MYOZ3: variants seen among roughly 807,000 people sequenced by gnomAD.
The protein encoded by MYOZ3 is myozenin 3, also known as myozenin-3.
Under a neutral mutation model 26.5 loss-of-function variants are expected in MYOZ3, and 19 were observed. The ratio of observed to expected loss-of-function variants is 0.72; its 90% CI spans 0.50 to 1.05. MYOZ3 has a LOEUF of 1.05. Among genes scored for constraint, MYOZ3 ranks in the 50% least tolerant of loss-of-function variants. The pLI is 0.00. For missense variants in MYOZ3, 322 were observed against 337.1 expected (o/e 0.96, Z 0.35); for synonymous variants, 135 against 138.8 (o/e 0.97, Z 0.19).
intron 6 of MYOZ3, among the ~76,000 whole-genome samples, chr5:150,675,226 T>TCGTGTGCGTGTGTGTG (rs1758983904): frequency 6.6e-6 from 1 of 151,364 alleles, no homozygotes; most frequent in African/African-American, 2.4e-5. Context: ...GGAATGGCGT[T>TCGTGTGCGTGTGTGTG]TGTGTGTGTG....
At position 150,676,934 on chromosome 5, in the gene MYOZ3, A is replaced by G; in HGVS notation, c.*59A>G. ...GGGCCTGGTAACATCCGGAGCCAAGACTTGTGGACAGCACTTCACAGTTGA... is the reference window on the plus strand; with the variant it reads ...GGGCCTGGTAACATCCGGAGCCAAGGCTTGTGGACAGCACTTCACAGTTGA... On this transcript the variant is annotated 3_prime_UTR_variant, in exon 7 of 7. Transcript: ENST00000517768. 1 of 1,530,454 alleles carries G rather than the reference A, an allele frequency of 6.5e-7. No homozygotes were observed. Among genetic ancestry groups the G allele is most frequent in the Non-Finnish European group, 8.9e-7 (1 of 1,127,742 alleles). 94.8% of individuals were successfully genotyped at this position (1,530,454 alleles called of 1,614,324 possible). A position where few individuals can be genotyped will look rare whatever the true frequency, so the allele number is the denominator to read the frequency against.
chr5:150,672,102 A>C, intron 5 of MYOZ3, 194 bp downstream of exon 5: 1 of 1,090,454 alleles, frequency 9.2e-7, no homozygotes, highest in Non-Finnish European at 1.3e-6. Context: ...GAGTCAGCCA[A>C]GGCCAAGACC....
At chr5:150,666,846 C>T (rs947043797) in intron 2 of MYOZ3, among the ~76,000 whole-genome samples, 1 of 151,604 alleles carries the variant, frequency 6.6e-6, no homozygotes, top group African/African-American at 2.4e-5. Context: ...TTGCAAACTT[C>T]ACCTCCACCT....
At position 150,667,055 on chromosome 5, in the gene MYOZ3, G is replaced by A. The variant is rs556889562; in HGVS notation, c.62-3429G>A. On this transcript the variant is annotated intron_variant, in intron 2 of 6. Transcript: ENST00000517768. ...ATTATGGGTGTGAGCCACTGCGCCC[G>A]GCCTATAAGTGGATTTCTTTCTGTT... Among the ~76,000 whole-genome samples the A allele has an allele frequency of 3.8e-4, 58 of 152,146 alleles. No individual in the cohort carries two copies. The South Asian group carries it at 9.9e-3, about 26-fold the overall frequency.
chr5:150,671,723 G>A (rs1275026950), intron 4 of MYOZ3, 32 bp from the exon 5 acceptor site: 1 of 1,613,252 alleles, frequency 6.2e-7, no homozygotes. Flanking sequence ...GGAGGTCGTC[G>A]GTGGCCTCTG....
rs569148018 is a variant in MYOZ3, at chr5:150,671,867, C to T, written c.383C>T (p.Ala128Val). ...CCCGAGGGCGCCCACCCTGCAGCCG[C>T]CCCTGCTGGGTGCGTCCCCAGCCCC... ...GGPEGAHPAA[A>V]PAGCVPSPSA... Residue 128 changes from alanine (A) to valine (V), a missense_variant, in exon 5 of 7, where the codon GCC becomes GTC. By Grantham distance (64) the Ala-to-Val change is moderately conservative. Coordinates refer to ENST00000517768, the MANE Select transcript of MYOZ3 (RefSeq NM_001122853.3). The T allele has an allele frequency of 6.3e-7, 1 of 1,593,832 alleles. No homozygotes were observed. The highest frequency in any genetic ancestry group is 1.3e-5 in the African/African-American group (1 of 74,626).
intron 6 of MYOZ3, 24 bp downstream of exon 6, chr5:150,672,526 G>C: frequency 6.5e-7 from 1 of 1,541,514 alleles, no homozygotes; most frequent in Non-Finnish European, 8.7e-7. Flanking sequence ...GGCAGCCCGG[G>C]GGACAGACCG....
chr5:150,661,356 A>G lies in MYOZ3; in HGVS notation c.-73A>G. On this transcript the variant is annotated 5_prime_UTR_variant, in exon 1 of 7. Transcript: ENST00000517768. ...CCTACAGGGACGCCACGCAACTCTCAGCTTCCCGACAGAGGTGTTAATCTT... is the reference window on the plus strand; with the variant it reads ...CCTACAGGGACGCCACGCAACTCTCGGCTTCCCGACAGAGGTGTTAATCTT... 1 of 152,568 alleles carries G rather than the reference A, an allele frequency of 6.6e-6. No individual in the cohort carries two copies. The highest frequency in any genetic ancestry group is 1.5e-5 in the Non-Finnish European group (1 of 68,060). 9.5% of individuals were successfully genotyped at this position (152,568 alleles called of 1,614,324 possible).
At chr5:150,672,282 T>G (rs867857618) in intron 5 of MYOZ3, 58 bp from the exon 6 acceptor site, 4 of 1,547,404 alleles carry the variant, frequency 2.6e-6, no homozygotes, top group Non-Finnish European at 1.7e-6. Context: ...TGGGGCGAGG[T>G]GGGGTTGGGG....
chr5:150,665,240 T>C (rs1758790240), intron 2 of MYOZ3, among the ~76,000 whole-genome samples: 1 of 152,170 alleles, frequency 6.6e-6, no homozygotes, highest in African/African-American at 2.4e-5. Flanking sequence ...GAATGCAGCC[T>C]AGGGTGGGGT....
At position 150,671,552 on chromosome 5, in the gene MYOZ3, C is replaced by T. The variant is rs753626077; in HGVS notation, c.217-45C>T. On this transcript the variant is annotated intron_variant, in intron 3 of 6. Coordinates refer to ENST00000517768, the MANE Select transcript of MYOZ3 (RefSeq NM_001122853.3). ...GTGGAGGGAGAACCCTGGTCCCCTG[C>T]CCCGCTGAGCTTCTCTGCGGTTTAT... The T allele has an allele frequency of 3.7e-6, 6 of 1,608,050 alleles. No individual in the cohort carries two copies. In the South Asian group the frequency reaches 4.4e-5, roughly 12 times the overall value.
chr5:150,666,116 T>A (rs745556499), intron 2 of MYOZ3, among the ~76,000 whole-genome samples: 29 of 152,156 alleles, frequency 1.9e-4, no homozygotes, highest in Non-Finnish European at 3.5e-4. Flanking sequence ...GGTGCTTTAT[T>A]ATGTATTTAG....
At position 150,672,454 on chromosome 5, in the gene MYOZ3, A is replaced by T; in HGVS notation, c.539A>T (p.Asp180Val). Residue 180 changes from aspartate (D) to valine (V), a missense_variant, in exon 6 of 7, where the codon GAT becomes GTT. Coordinates refer to ENST00000517768, the MANE Select transcript of MYOZ3 (RefSeq NM_001122853.3). ...EFVSYRDYQS[D>V]GRSHTPSPND... ...GTCAGCTACCGGGACTACCAGAGCGATGGCCGAAGTCACACCCCCAGCCCC... is the reference window on the plus strand; with the variant it reads ...GTCAGCTACCGGGACTACCAGAGCGTTGGCCGAAGTCACACCCCCAGCCCC... The T allele has an allele frequency of 6.2e-7, 1 of 1,607,994 alleles. No individual in the cohort carries two copies. Among genetic ancestry groups the T allele is most frequent in the Non-Finnish European group, 8.5e-7 (1 of 1,176,676 alleles).
intron 6 of MYOZ3, among the ~76,000 whole-genome samples, chr5:150,673,742 G>T (rs1299133434): frequency 1.3e-5 from 2 of 152,232 alleles, no homozygotes; most frequent in Admixed American, 1.3e-4. Flanking sequence ...CAAACCATAG[G>T]AATCAAGACA....
intron 1 of MYOZ3, among the ~76,000 whole-genome samples, chr5:150,661,800 C>T (rs928818885): frequency 2.6e-5 from 4 of 152,188 alleles, no homozygotes; most frequent in Admixed American, 6.5e-5. Context: ...GAATCCTAAA[C>T]GGTTGTGATC....
chr5:150,665,369 C>T (rs1003350975), intron 2 of MYOZ3, among the ~76,000 whole-genome samples: 4 of 152,162 alleles, frequency 2.6e-5, no homozygotes, highest in African/African-American at 9.7e-5. Context: ...CGCTGTGGAG[C>T]ATCCATTCCA....
rs1759068748 is a variant in MYOZ3, at chr5:150,679,322, A to C, written c.*2447A>C. 1.3e-5 allele frequency: 2 copies of C among 152,232 alleles called. No individual in the cohort carries two copies. Among genetic ancestry groups the C allele is most frequent in the Admixed American group, 1.3e-4 (2 of 15,270 alleles). The allele number at this position is 152,232 out of a possible 1,614,324, so 9.4% of individuals were successfully genotyped here. The stretch of plus-strand genomic sequence containing the variant: ...TTTCTGGTGTTGTAAAAAAGAAAAA[A>C]AAAAGAATGCTCATTGTAAAAATAA... On this transcript the variant is annotated 3_prime_UTR_variant, in exon 7 of 7. Coordinates refer to ENST00000517768, the MANE Select transcript of MYOZ3 (RefSeq NM_001122853.3).
At chr5:150,672,575 T>G (rs1344053913) in intron 6 of MYOZ3, 73 bp downstream of exon 6, 2 of 1,484,734 alleles carry the variant, frequency 1.3e-6, no homozygotes, top group Non-Finnish European at 1.8e-6. Flanking sequence ...AGCGGGAGCC[T>G]GCGTTTCCTG....
chr5:150,663,215 G>A (rs1758762288), intron 2 of MYOZ3, among the ~76,000 whole-genome samples: 1 of 152,264 alleles, frequency 6.6e-6, no homozygotes, highest in Non-Finnish European at 1.5e-5. Flanking sequence ...AGACCCAGGA[G>A]CTGAGGCTGA....
Sources: gnomAD v4.1 joint callset for allele counts (sites outside exome capture counted in the v4.1 genomes callset) on GRCh38, gnomAD v4.1.1 for gene constraint, MANE v1.5 for transcripts, NCBI Gene and HGNC (gene_info 2026-07-23, HGNC 2026-07-21) for gene names.